NELL1: variants seen among roughly 807,000 people sequenced by gnomAD.
NELL1 encodes neural EGFL like 1.
Under a neutral mutation model 107.4 loss-of-function variants are expected in NELL1, and 76 were observed. The observed-to-expected ratio is 0.71, with a 90% CI of 0.59 to 0.86. The LOEUF (loss-of-function observed/expected upper bound fraction) is 0.86. NELL1 is among the 40% of genes least tolerant of loss of function. The probability of loss-of-function intolerance (pLI) is 0.00; values close to 1 mark genes in which losing one functional copy is unlikely to be tolerated. For synonymous variants in NELL1, 353 were observed against 341.2 expected (o/e 1.03, Z -0.38); for missense variants, 1,024 against 1,005.5 (o/e 1.02, Z -0.25).
At chr11:21,302,763 A>C (rs981409904) in intron 14 of NELL1, among the ~76,000 whole-genome samples, 2 of 151,936 alleles carry the variant, frequency 1.3e-5, no homozygotes, top group Admixed American at 1.3e-4. Context: ...GAAAACAAAA[A>C]GGAGAATGGG....
chr11:21,370,769 G>A (rs769891595), intron 14 of NELL1, 84 bp from the exon 15 acceptor site: 2 of 1,018,500 alleles, frequency 2.0e-6, no homozygotes, highest in African/African-American at 3.2e-5. Flanking sequence ...AACAAAGAAA[G>A]AATTGCTTCA....
intron 16 of NELL1, among the ~76,000 whole-genome samples, chr11:21,559,276 G>T (rs1856796062): frequency 6.6e-6 from 1 of 152,174 alleles, no homozygotes; most frequent in Non-Finnish European, 1.5e-5. Context: ...CAAATGAGTA[G>T]AAGTTACTCG....
intron 15 of NELL1, among the ~76,000 whole-genome samples, chr11:21,486,972 CACCATAA>C (rs1854649761): frequency 6.6e-6 from 1 of 152,078 alleles, no homozygotes; most frequent in South Asian, 2.1e-4. Flanking sequence ...GTGTTTGGGA[CACCATAA>C]ACCAACTGAT....
intron 15 of NELL1, among the ~76,000 whole-genome samples, chr11:21,507,926 G>A (rs1392045458): frequency 1.3e-5 from 2 of 151,802 alleles, no homozygotes; most frequent in Non-Finnish European, 2.9e-5. Context: ...GACTACAGGT[G>A]TGCACCACTA....
At chr11:21,345,946 A>G (rs1010218704) in intron 14 of NELL1, among the ~76,000 whole-genome samples, 1 of 152,162 alleles carries the variant, frequency 6.6e-6, no homozygotes, top group African/African-American at 2.4e-5. Context: ...TTTTCTTAGC[A>G]CTTTAGATTC....
intron 18 of NELL1, among the ~76,000 whole-genome samples, chr11:21,572,132 A>C (rs949092485): frequency 6.6e-6 from 1 of 151,872 alleles, no homozygotes. Context: ...CTGTAGAATT[A>C]GTTTCCCTAT....
chr11:21,271,143 A>G (rs1214093103), intron 14 of NELL1, among the ~76,000 whole-genome samples: 1 of 152,086 alleles, frequency 6.6e-6, no homozygotes, highest in Non-Finnish European at 1.5e-5. Flanking sequence ...AATAAAAATT[A>G]GTGCCAAAAT....
intron 14 of NELL1, among the ~76,000 whole-genome samples, chr11:21,296,853 GATA>G (rs2133966567): frequency 6.6e-6 from 1 of 151,428 alleles, no homozygotes; most frequent in South Asian, 2.1e-4. Context: ...GTAAAGAAAA[GATA>G]ATATTTCTAT....
At position 21,531,798 on chromosome 11, in the gene NELL1, G is replaced by A. The variant is rs111856319; in HGVS notation, c.1646-2576G>A. ...TGCTGACTGGGAGAAACAAATCTTTGCCTCTGAGGACAAAGGCAGCCACAA... is the reference window on the plus strand; with the variant it reads ...TGCTGACTGGGAGAAACAAATCTTTACCTCTGAGGACAAAGGCAGCCACAA... On this transcript the variant is annotated intron_variant, in intron 15 of 19. Coordinates refer to ENST00000357134, the MANE Select transcript of NELL1 (RefSeq NM_006157.5). Among the ~76,000 whole-genome samples the A allele has an allele frequency of 2.3e-3, 346 of 152,196 alleles. 5 individuals are homozygous for A. The highest frequency in any genetic ancestry group is 7.8e-3 in the African/African-American group (325 of 41,534).
At chr11:20,799,465 A>G (rs1300859525) in intron 3 of NELL1, among the ~76,000 whole-genome samples, 2 of 152,242 alleles carry the variant, frequency 1.3e-5, no homozygotes, top group African/African-American at 2.4e-5. Context: ...TTCATAATTT[A>G]TAAAACTATA....
intron 15 of NELL1, among the ~76,000 whole-genome samples, chr11:21,459,396 T>C (rs1016347923): frequency 1.3e-5 from 2 of 149,966 alleles, no homozygotes; most frequent in Non-Finnish European, 3.0e-5. Flanking sequence ...TTTGAAGATG[T>C]TGGCAATAAA....
chr11:21,202,574 C>G (rs1320316320), intron 13 of NELL1, among the ~76,000 whole-genome samples: 6 of 151,996 alleles, frequency 3.9e-5, no homozygotes, highest in Admixed American at 6.6e-5. Context: ...TTCAAAAAAC[C>G]ACCTCCTGGA....
At chr11:21,475,726 AT>A (rs1370861435) in intron 15 of NELL1, among the ~76,000 whole-genome samples, 1 of 152,206 alleles carries the variant, frequency 6.6e-6, no homozygotes. Flanking sequence ...TACTGGTGAA[AT>A]CCATTGAAAA....
intron 14 of NELL1, among the ~76,000 whole-genome samples, chr11:21,308,178 C>T (rs78555977): frequency 0.016 from 2,434 of 152,052 alleles, 73 homozygotes; most frequent in African/African-American, 0.056. Flanking sequence ...CGTGGGGTTG[C>T]TGTGAACCTT....
chr11:21,338,113 C>T (rs79325927), intron 14 of NELL1, among the ~76,000 whole-genome samples: 3,300 of 151,916 alleles, frequency 0.022, 112 homozygotes, highest in African/African-American at 0.074. Context: ...AGTTGCTTTC[C>T]GTCCTGTGAG....
intron 11 of NELL1, among the ~76,000 whole-genome samples, chr11:20,958,974 C>T (rs1232833896): frequency 6.6e-6 from 1 of 152,078 alleles, no homozygotes; most frequent in African/African-American, 2.4e-5. Flanking sequence ...TTTTTGTTTC[C>T]CAATGTGTTT....
At chr11:20,871,178 G>C (rs777578508) in intron 4 of NELL1, among the ~76,000 whole-genome samples, 1 of 152,122 alleles carries the variant, frequency 6.6e-6, no homozygotes, top group Non-Finnish European at 1.5e-5. Flanking sequence ...ACTCCAACCT[G>C]AATCCCTTCC....
chr11:21,384,788 A>G (rs1015432305), intron 15 of NELL1, among the ~76,000 whole-genome samples: 9 of 151,924 alleles, frequency 5.9e-5, no homozygotes, highest in Non-Finnish European at 1.0e-4. Context: ...ATCATTTTTT[A>G]TGGCTGCATA....
At chr11:20,850,939 A>G (rs999463276) in intron 4 of NELL1, among the ~76,000 whole-genome samples, 1 of 152,232 alleles carries the variant, frequency 6.6e-6, no homozygotes, top group African/African-American at 2.4e-5. Context: ...CTAGGTGTCA[A>G]TCACATAATA....
Sources: allele counts gnomAD v4.1 joint callset (sites outside exome capture counted in the v4.1 genomes callset), GRCh38; gene constraint gnomAD v4.1.1; transcripts MANE v1.5; gene names NCBI Gene and HGNC (gene_info 2026-07-23, HGNC 2026-07-21).